The following DNAH17 variants were observed in gnomAD, a reference collection of about 807,000 sequenced individuals.
DNAH17 encodes the protein axonemal beta dynein heavy chain 17.
Under a neutral mutation model 485.6 loss-of-function variants are expected in DNAH17, and 376 were observed. That is an observed-to-expected ratio of 0.77 (90% CI 0.71 to 0.84). The LOEUF (loss-of-function observed/expected upper bound fraction) is 0.84, where lower values mean the gene tolerates loss of function less well. Ranked by LOEUF, DNAH17 falls within the 40% of genes least tolerant of loss-of-function variation. The pLI is 0.00. For missense variants in DNAH17, 6,370 were observed against 5,839.3 expected, an observed-to-expected ratio of 1.09 and a Z score of -2.96; for synonymous variants, 3,031 against 2,405.9, an observed-to-expected ratio of 1.26 and a Z score of -7.60.
rs999678437 is a variant in DNAH17, at chr17:78,450,861, G to A, written c.10735-15C>T. ...GTGAGGTTTGCCTGCAAGGGGAGGT[G>A]CAGGAGTCACTGCATTGCCTGGCTC... On this transcript the variant is annotated splice_polypyrimidine_tract_variant and intron_variant, in intron 66 of 80. Coordinates refer to ENST00000389840, the MANE Select transcript of DNAH17 (RefSeq NM_173628.4). 10 of 1,613,030 alleles carry A rather than the reference G, an allele frequency of 6.2e-6. No individual in the cohort carries two copies. The highest frequency in any genetic ancestry group is 3.3e-5 in the South Asian group (3 of 91,062).
chr17:78,459,965 G>A lies in DNAH17; in HGVS notation c.9472C>T (p.Pro3158Ser). 6.2e-7 allele frequency: 1 copy of A among 1,613,366 alleles called. No individual in the cohort carries two copies. The highest frequency in any genetic ancestry group is 8.5e-7 in the Non-Finnish European group (1 of 1,179,888). ...LTELKSFGSP[P>S]DAVVNVTAAV... ...GCGGTGACGTTGACCACAGCATCCG[G>A]CGGGGACCCAAAGGACTTCAGCTCT... The change falls in exon 60 of 81, where the codon CCG becomes TCG. Residue 3158 changes from proline to serine, a missense_variant. Transcript: ENST00000389840.
chr17:78,526,358 C>T (rs1455092527), intron 24 of DNAH17, among the ~76,000 whole-genome samples: 1 of 152,108 alleles, frequency 6.6e-6, no homozygotes, highest in Non-Finnish European at 1.5e-5. Context: ...GACTATGGGT[C>T]ACACAGGGTG....
intron 54 of DNAH17, among the ~76,000 whole-genome samples, 198 bp downstream of exon 54, chr17:78,475,080 C>T (rs138200927): frequency 1.3e-5 from 2 of 152,342 alleles, no homozygotes; most frequent in East Asian, 1.9e-4. Context: ...CACTCTTCAC[C>T]TCAGTCACAC....
At chr17:78,460,463 T>C (rs2088062646) in intron 58 of DNAH17, among the ~76,000 whole-genome samples, 1 of 152,210 alleles carries the variant, frequency 6.6e-6, no homozygotes, top group African/African-American at 2.4e-5. Context: ...TAGGCAGCAG[T>C]GGTGAGGGGC....
rs528159623 is a variant in DNAH17, at chr17:78,574,849, T to C, written c.209A>G (p.Gln70Arg). The C allele has an allele frequency of 6.8e-6, 11 of 1,613,984 alleles. No individual in the cohort carries two copies. In the African/African-American group the frequency reaches 9.3e-5, roughly 14 times the overall value. The change falls in exon 2 of 81, where the codon CAG (glutamine) becomes CGG (arginine). Residue 70 changes from glutamine to arginine, a missense_variant. Gln to Arg is a conservative substitution (Grantham distance 43). Coordinates refer to ENST00000389840, the MANE Select transcript of DNAH17 (RefSeq NM_173628.4). Reference protein sequence around the residue: ...GMIIPCLGFPQSLKSKGVYFI... With the variant: ...GMIIPCLGFPRSLKSKGVYFI... ...GTAAACCCCTTTGGACTTGAGGGAC[T>C]GGGGGAAGCCCAGGCAGGGTATGAT...
At position 78,455,669 on chromosome 17, in the gene DNAH17, C is replaced by T; in HGVS notation, c.10145G>A (p.Trp3382Ter). The T allele has an allele frequency of 1.9e-6, 3 of 1,560,814 alleles. No homozygotes were observed. Among genetic ancestry groups the T allele is most frequent in the Non-Finnish European group, 2.6e-6 (3 of 1,152,596 alleles). Reference sequence around the variant, plus strand: ...CTTTAAGTTATGTATGTAAGGGATCCAGAATTTCTCCATCAGCTCATTCCG... The same window carrying T: ...CTTTAAGTTATGTATGTAAGGGATCTAGAATTTCTCCATCAGCTCATTCCG... ...KYRNELMEKF[W>*]IPYIHNLKVP... Residue 3382 changes from tryptophan (W) to a stop codon, truncating the protein, a stop_gained, in exon 63 of 81, where the codon TGG (tryptophan) becomes TAG (stop). Coordinates refer to ENST00000389840, the MANE Select transcript of DNAH17 (RefSeq NM_173628.4). LOFTEE classifies it high-confidence loss of function.
intron 20 of DNAH17, among the ~76,000 whole-genome samples, chr17:78,531,235 A>T: frequency 6.6e-6 from 1 of 151,940 alleles, no homozygotes; most frequent in South Asian, 2.1e-4. Flanking sequence ...TGCTGGGCGC[A>T]TAGATATGTA....
Position 78,501,797 on chromosome 17 carries a change from A to T in DNAH17, c.5267T>A (p.Ile1756Asn), listed in dbSNP as rs1341887490. The change falls in exon 34 of 81, where the codon ATC becomes AAC. Residue 1756 changes from isoleucine to asparagine, a missense_variant. Coordinates refer to ENST00000389840, the MANE Select transcript of DNAH17 (RefSeq NM_173628.4). ...CCGTGCGTGCACATCGATGGTGCAG[A>T]TGGTCATGATCTTCATCCTGTCGCC... ...NAGDRMKIMT[I>N]CTIDVHARDV... is the part of the protein sequence containing the mutation. The T allele has an allele frequency of 1.9e-6, 3 of 1,613,864 alleles. No homozygotes were observed. Among genetic ancestry groups the T allele is most frequent in the Non-Finnish European group, 2.5e-6 (3 of 1,179,900 alleles).
chr17:78,425,359 TCCGTACACGTAGGAGC>T lies in DNAH17; in HGVS notation c.13112_13127del (p.Gly4371AspfsTer21). 1 of 1,613,826 alleles carries T rather than the reference TCCGTACACGTAGGAGC, an allele frequency of 6.2e-7. No homozygotes were observed. The highest frequency in any genetic ancestry group is 8.5e-7 in the Non-Finnish European group (1 of 1,179,828). ...AGCCCTCCTTACCTTCCATGAAGAG[TCCGTACACGTAGGAGC>T]CCTCTCGCGGAGGAGCGGTCATGTC... On this transcript the variant is annotated frameshift_variant, in exon 80 of 81. Coordinates refer to ENST00000389840, the MANE Select transcript of DNAH17 (RefSeq NM_173628.4). LOFTEE classifies it high-confidence loss of function.
chr17:78,528,355 G>A (rs2091133600), intron 22 of DNAH17, among the ~76,000 whole-genome samples: 1 of 151,930 alleles, frequency 6.6e-6, no homozygotes, highest in African/African-American at 2.4e-5. Flanking sequence ...TGACTTCCTG[G>A]GCTCAACTGA....
In DNAH17 at chr17:78,485,611, C is replaced by A. The variant is rs11872051; in HGVS notation, c.7422G>T (p.Thr2474=). The change falls in exon 47 of 81, where the codon ACG becomes ACT. Residue 2474 remains threonine, a synonymous_variant. Transcript: ENST00000389840. ...LMGDKLESLN[T]DNYLVQAVPF... Reference sequence around the variant, plus strand: ...GCACAGCCTGCACCAGGTAGTTGTCCGTGTTCAGGCTTTCCAGCTTGTCCC... The same window carrying A: ...GCACAGCCTGCACCAGGTAGTTGTCAGTGTTCAGGCTTTCCAGCTTGTCCC... The A allele has an allele frequency of 1.2e-5, 20 of 1,613,288 alleles. No individual in the cohort carries two copies. The highest frequency in any genetic ancestry group is 4.0e-5 in the African/African-American group (3 of 74,818).
chr17:78,485,302 G>T, intron 47 of DNAH17: 1 of 617,230 alleles, frequency 1.6e-6, no homozygotes, highest in East Asian at 2.8e-5. Flanking sequence ...CACTCCCGGG[G>T]GACCTGCTGC....
rs370344478 is a variant in DNAH17, at chr17:78,480,013, CTTTTTTTTTTTTTTTTTTTTTT to C, written c.7753-403_7753-382del. On this transcript the variant is annotated intron_variant, in intron 49 of 80. Coordinates refer to ENST00000389840, the MANE Select transcript of DNAH17 (RefSeq NM_173628.4). ...CTGAATTTCAGATAAACAACAAGTA[CTTTTTTTTTTTTTTTTTTTTTT>C]TTTTTTTTTTTTTTAAAAAAAGTAT... Among the ~76,000 whole-genome samples the C allele has an allele frequency of 1.1e-4, 8 of 70,540 alleles. 1 individual carries two copies. Among genetic ancestry groups the C allele is most frequent in the Admixed American group, 7.5e-4 (4 of 5,334 alleles). The allele number at this position is 70,540 out of a possible 152,430, so 46.3% of individuals were successfully genotyped here.
At chr17:78,566,803 G>A in intron 10 of DNAH17, 73 bp from the exon 11 acceptor site, 1 of 1,354,656 alleles carries the variant, frequency 7.4e-7, no homozygotes, top group Non-Finnish European at 1.0e-6. Context: ...TCCAGCCCCT[G>A]CCCTGCTGAG....
In DNAH17 at chr17:78,561,705, T is replaced by C. The variant is rs757896791; in HGVS notation, c.1835+10A>G. On this transcript the variant is annotated intron_variant, in intron 12 of 80. Transcript: ENST00000389840. ...CGGGGTGCCTGCCCCTGCCCAGGGCTGTGACTCACGGGTGTTCGACGTGCT... is the reference window on the plus strand; with the variant it reads ...CGGGGTGCCTGCCCCTGCCCAGGGCCGTGACTCACGGGTGTTCGACGTGCT... 1.0e-4 allele frequency: 167 copies of C among 1,596,716 alleles called. No homozygotes were observed. The highest frequency in any genetic ancestry group is 1.4e-4 in the Non-Finnish European group (165 of 1,169,668).
At position 78,525,045 on chromosome 17, in the gene DNAH17, G is replaced by A; in HGVS notation, c.3828C>T (p.Val1276=). The A allele has an allele frequency of 6.2e-7, 1 of 1,613,752 alleles. No individual in the cohort carries two copies. The highest frequency in any genetic ancestry group is 8.5e-7 in the Non-Finnish European group (1 of 1,179,826). The change falls in exon 25 of 81, where the codon GTC becomes GTT. Residue 1276 remains valine (V), a synonymous_variant. Coordinates refer to ENST00000389840, the MANE Select transcript of DNAH17 (RefSeq NM_173628.4). ...YKQLKACHRE[V]RLLKELWDMV... is the part of the protein sequence containing the mutation. ...TGTCCCAGAGCTCCTTCAGTAGGCGGACCTCCCGGTGGCAGGCCTTGAGCT... is the reference window on the plus strand; with the variant it reads ...TGTCCCAGAGCTCCTTCAGTAGGCGAACCTCCCGGTGGCAGGCCTTGAGCT...
At chr17:78,561,684 G>A in intron 12 of DNAH17, 31 bp downstream of exon 12, 1 of 1,573,580 alleles carries the variant, frequency 6.4e-7, no homozygotes, top group Non-Finnish European at 8.6e-7. Context: ...TGGAGGCGGG[G>A]TGCCTGCCCC....
rs149523493 is a variant in DNAH17 at position 78,481,017 on chromosome 17, G to A, written c.7650-231C>T. ...TCGCCGTGTTAGCCAGGATGGTCTC[G>A]ATCTCCTAACCTCGTGATGCGCCCG... On this transcript the variant is annotated intron_variant, in intron 48 of 80. Transcript: ENST00000389840. Among the ~76,000 whole-genome samples, 1,251 of 151,816 alleles carry A rather than the reference G, an allele frequency of 8.2e-3. 16 individuals are homozygous for A. Among genetic ancestry groups the A allele is most frequent in the African/African-American group, 0.027 (1,137 of 41,366 alleles).
intron 22 of DNAH17, among the ~76,000 whole-genome samples, chr17:78,529,210 G>T (rs1032589631): frequency 6.6e-6 from 1 of 152,024 alleles, no homozygotes; most frequent in African/African-American, 2.4e-5. Flanking sequence ...AAAGTGCTGG[G>T]ATTACAATGA....
Sources: gnomAD v4.1 joint callset for allele counts (sites outside exome capture counted in the v4.1 genomes callset) on GRCh38, gnomAD v4.1.1 for gene constraint, MANE v1.5 for transcripts, NCBI Gene and HGNC (gene_info 2026-07-23, HGNC 2026-07-21) for gene names.